Variants in TANGO6 observed in about 807,000 individuals in gnomAD.
The protein encoded by TANGO6 is transport and Golgi organization protein 6 homolog.
Under a neutral mutation model 114.2 loss-of-function variants are expected in TANGO6, and 90 were observed. That is an observed-to-expected ratio of 0.79 (90% confidence interval 0.66 to 0.94). The LOEUF is 0.94. TANGO6 is among the 40% of genes least tolerant of loss of function. TANGO6 has a pLI of 0.00. For synonymous variants in TANGO6, 477 were observed against 509.8 expected, an observed-to-expected ratio of 0.94 and a Z score of 0.87; for missense variants, 1,274 against 1,315.3, an observed-to-expected ratio of 0.97 and a Z score of 0.49.
intron 1 of TANGO6, among the ~76,000 whole-genome samples, chr16:68,848,730 A>T (rs1460458833): frequency 6.6e-6 from 1 of 152,124 alleles, no homozygotes; most frequent in African/African-American, 2.4e-5. Context: ...TGTCTTAGCA[A>T]CCTCCAAAGG....
At chr16:69,054,756 A>G (rs1960006520) in intron 17 of TANGO6, among the ~76,000 whole-genome samples, 1 of 148,732 alleles carries the variant, frequency 6.7e-6, no homozygotes, top group South Asian at 2.2e-4. Flanking sequence ...ACACGGTGAA[A>G]CACCATCTCT....
chr16:68,898,961 A>ATTG (rs898671464), intron 7 of TANGO6, among the ~76,000 whole-genome samples: 1 of 149,198 alleles, frequency 6.7e-6, no homozygotes, highest in African/African-American at 2.5e-5. Flanking sequence ...TATTATTATT[A>ATTG]TTATTATTAT....
intron 14 of TANGO6, among the ~76,000 whole-genome samples, chr16:68,949,340 G>T (rs1963447423): frequency 6.6e-6 from 1 of 151,940 alleles, no homozygotes; most frequent in East Asian, 1.9e-4. Flanking sequence ...GCTTACCTTG[G>T]CCAGGCATGA....
chr16:68,954,249 C>CAAAA (rs552507549), intron 14 of TANGO6, among the ~76,000 whole-genome samples: 23 of 60,138 alleles, frequency 3.8e-4, no homozygotes, highest in Admixed American at 8.4e-4. Context: ...GACTCCATCT[C>CAAAA]AAAAAAAAAA....
At chr16:69,037,977 C>T (rs1215641117) in intron 16 of TANGO6, among the ~76,000 whole-genome samples, 8 of 152,218 alleles carry the variant, frequency 5.3e-5, no homozygotes, top group Non-Finnish European at 1.2e-4. Flanking sequence ...AATTTCTGCA[C>T]AAGCCTATTT....
intron 13 of TANGO6, among the ~76,000 whole-genome samples, chr16:68,929,249 G>A (rs1890574109): frequency 6.6e-6 from 1 of 152,124 alleles, no homozygotes; most frequent in Non-Finnish European, 1.5e-5. Flanking sequence ...CTATTTGAAG[G>A]TGAATTCAAT....
At chr16:69,047,549 C>A (rs762113278) in intron 17 of TANGO6, among the ~76,000 whole-genome samples, 1 of 151,846 alleles carries the variant, frequency 6.6e-6, no homozygotes, top group South Asian at 2.1e-4. Context: ...TCTTACATTT[C>A]CCCTAGGAGC....
At chr16:68,871,165 T>C (rs1216878481) in intron 4 of TANGO6, among the ~76,000 whole-genome samples, 2 of 152,124 alleles carry the variant, frequency 1.3e-5, no homozygotes, top group African/African-American at 4.8e-5. Flanking sequence ...TATTTTTTAT[T>C]GGGCATAGAA....
intron 15 of TANGO6, among the ~76,000 whole-genome samples, chr16:69,007,909 GA>G (rs1361001281): frequency 2.0e-4 from 30 of 152,084 alleles, no homozygotes; most frequent in Admixed American, 2.0e-3. Flanking sequence ...TAATGATGTT[GA>G]GCACCTTTTC....
intron 7 of TANGO6, among the ~76,000 whole-genome samples, chr16:68,891,143 T>G (rs1416883671): frequency 1.3e-5 from 2 of 150,316 alleles, no homozygotes; most frequent in Admixed American, 6.6e-5. Context: ...AATACAAAAA[T>G]TAGCCGGGTG....
intron 9 of TANGO6, among the ~76,000 whole-genome samples, chr16:68,905,904 C>T (rs967788111): frequency 1.3e-5 from 2 of 151,900 alleles, no homozygotes. Flanking sequence ...AAAAAATGGC[C>T]GAGCACAGTG....
At chr16:68,897,294 A>G (rs958897978) in intron 7 of TANGO6, among the ~76,000 whole-genome samples, 1 of 151,734 alleles carries the variant, frequency 6.6e-6, no homozygotes, top group African/African-American at 2.4e-5. Flanking sequence ...TCTTCCTAGC[A>G]CTCGTCACTA....
intron 14 of TANGO6, among the ~76,000 whole-genome samples, chr16:68,942,981 C>A (rs938779561): frequency 6.7e-6 from 1 of 150,068 alleles, no homozygotes; most frequent in Non-Finnish European, 1.5e-5. Context: ...CTCACTGGAA[C>A]CTCCACCTCC....
chr16:68,966,261 C>T lies in TANGO6; in HGVS notation c.2702-7767C>T, dbSNP rs1256392954. Among the ~76,000 whole-genome samples, 6 of 151,994 alleles carry T rather than the reference C, an allele frequency of 3.9e-5. No homozygotes were observed. In the South Asian group the frequency reaches 8.3e-4, roughly 21 times the overall value. ...AAATGAGGCCGGCTGCAGTGGCTCA[C>T]GCCTGTAACCCCAGCACTTTGGGAG... On this transcript the variant is annotated intron_variant, in intron 14 of 17. Coordinates refer to ENST00000261778, the MANE Select transcript of TANGO6 (RefSeq NM_024562.2).
chr16:68,847,999 C>CAAAA (rs1329686470), intron 1 of TANGO6, among the ~76,000 whole-genome samples: 8 of 62,310 alleles, frequency 1.3e-4, no homozygotes, highest in Admixed American at 3.8e-4. Flanking sequence ...GACTCCATCA[C>CAAAA]AAAAAAAAAA....
intron 6 of TANGO6, among the ~76,000 whole-genome samples, chr16:68,878,824 G>A (rs1962410966): frequency 6.6e-6 from 1 of 151,888 alleles, no homozygotes; most frequent in Non-Finnish European, 1.5e-5. Flanking sequence ...TGTAATCTCA[G>A]CACTTTGGGA....
chr16:68,962,883 C>T (rs1963607342), intron 14 of TANGO6, among the ~76,000 whole-genome samples: 1 of 150,630 alleles, frequency 6.6e-6, no homozygotes, highest in South Asian at 2.1e-4. Flanking sequence ...AGATCGAGAC[C>T]ATCTCTGTGG....
chr16:69,020,886 C>T (rs560631403), intron 15 of TANGO6, among the ~76,000 whole-genome samples: 1 of 141,780 alleles, frequency 7.1e-6, no homozygotes, highest in Admixed American at 7.2e-5. Flanking sequence ...GACCCACCCC[C>T]CCTTTATATA....
At chr16:68,912,640 A>C (rs1962939408) in intron 11 of TANGO6, among the ~76,000 whole-genome samples, 1 of 152,000 alleles carries the variant, frequency 6.6e-6, no homozygotes, top group Admixed American at 6.6e-5. Context: ...ACTCCGTCTC[A>C]AAAAACAAAA....
Sources: gnomAD v4.1 joint callset for allele counts (sites outside exome capture counted in the v4.1 genomes callset) on GRCh38, gnomAD v4.1.1 for gene constraint, MANE v1.5 for transcripts, NCBI Gene and HGNC (gene_info 2026-07-23, HGNC 2026-07-21) for gene names.